RPGRIP1L: variants seen among roughly 807,000 people sequenced by gnomAD.
RPGRIP1L encodes protein fantom.
A neutral mutation model predicts 160.4 loss-of-function variants in RPGRIP1L; 131 were observed. The observed-to-expected ratio is 0.82, with a 90% confidence interval of 0.71 to 0.94. The LOEUF is 0.94. Among genes scored for constraint, RPGRIP1L ranks in the 40% least tolerant of loss-of-function variants. The probability of loss-of-function intolerance (pLI) is 0.00; values close to 1 mark genes in which losing one functional copy is unlikely to be tolerated. For synonymous variants in RPGRIP1L, 510 were observed against 515.8 expected (o/e 0.99, Z 0.15); for missense variants, 1,522 against 1,535.8 (o/e 0.99, Z 0.15).
intron 24 of RPGRIP1L, among the ~76,000 whole-genome samples, chr16:53,615,929 A>G (rs1376484569): frequency 6.6e-6 from 1 of 152,212 alleles, no homozygotes; most frequent in Middle Eastern, 3.4e-3. Context: ...TGTAGGTTAT[A>G]CTGGTTTTAA....
At chr16:53,699,180 GCTTGAAGGCAGCATGCTCGTTAAGAGT>G (rs1971156202) in intron 2 of RPGRIP1L, among the ~76,000 whole-genome samples, 1 of 151,928 alleles carries the variant, frequency 6.6e-6, no homozygotes, top group African/African-American at 2.4e-5. Context: ...TTAAACAGAT[GCTTGAAGGCAGCATGCTCGTTAAGAGT>G]CATCACCACT....
intron 25 of RPGRIP1L, 69 bp downstream of exon 25, chr16:53,610,898 T>A: frequency 7.8e-7 from 1 of 1,275,036 alleles, no homozygotes; most frequent in Non-Finnish European, 1.1e-6. Flanking sequence ...GCCTTTTATT[T>A]TAACCATGTC....
intron 19 of RPGRIP1L, among the ~76,000 whole-genome samples, chr16:53,640,488 C>T (rs762149453): frequency 2.6e-5 from 4 of 152,128 alleles, no homozygotes; most frequent in South Asian, 2.1e-4. Flanking sequence ...TGCAGAGGCA[C>T]GACGATATTT....
chr16:53,668,912 CAT>C lies in RPGRIP1L; in HGVS notation c.1103+2596_1103+2597del, dbSNP rs530789493. Among the ~76,000 whole-genome samples, 26 of 152,256 alleles carry C rather than the reference CAT, an allele frequency of 1.7e-4. 1 individual carries two copies. Among genetic ancestry groups the C allele is most frequent in the Admixed American group, 5.9e-4 (9 of 15,282 alleles). ...GTAACATGAGGGTTTTATCTTCCCACATGATTCTCTAATATGTCATATGTCAA... is the reference window on the plus strand; with the variant it reads ...GTAACATGAGGGTTTTATCTTCCCACGATTCTCTAATATGTCATATGTCAA... On this transcript the variant is annotated intron_variant, in intron 9 of 26. Transcript: ENST00000647211.
chr16:53,622,631 G>A (rs781431434), intron 22 of RPGRIP1L, among the ~76,000 whole-genome samples: 13 of 150,560 alleles, frequency 8.6e-5, no homozygotes, highest in African/African-American at 2.0e-4. Context: ...CCTAAATATC[G>A]CCACAATTGG....
Position 53,686,209 on chromosome 16 carries a change from C to T in RPGRIP1L, c.776+224G>A, listed in dbSNP as rs536903265. Among the ~76,000 whole-genome samples the T allele has an allele frequency of 3.3e-5, 5 of 152,252 alleles. No individual in the cohort carries two copies. In the South Asian group the frequency reaches 1.0e-3, roughly 32 times the overall value. ...ATAGAAAACAAGATGAGGGTGATTTCCACGCATCAGAAGCTGCTTAAAAGC... is the reference window on the plus strand; with the variant it reads ...ATAGAAAACAAGATGAGGGTGATTTTCACGCATCAGAAGCTGCTTAAAAGC... On this transcript the variant is annotated intron_variant, in intron 6 of 26. Transcript: ENST00000647211.
At chr16:53,667,716 T>TA (rs1968388550) in intron 9 of RPGRIP1L, among the ~76,000 whole-genome samples, 1 of 151,972 alleles carries the variant, frequency 6.6e-6, no homozygotes, top group African/African-American at 2.4e-5. Flanking sequence ...CTACTAAAAA[T>TA]ACAAAAATTA....
chr16:53,645,509 G>A (rs896577883), intron 17 of RPGRIP1L, 116 bp downstream of exon 17: 1 of 946,204 alleles, frequency 1.1e-6, no homozygotes, highest in Admixed American at 2.8e-5. Context: ...TAGGCCTAAA[G>A]TTTAAAGACT....
intron 9 of RPGRIP1L, among the ~76,000 whole-genome samples, chr16:53,670,932 C>T (rs185485606): frequency 3.5e-4 from 53 of 152,042 alleles, no homozygotes; most frequent in African/African-American, 1.3e-3. Context: ...TCGTCACTAC[C>T]AAAAAATTAA....
At chr16:53,679,868 C>G (rs1006887955) in intron 6 of RPGRIP1L, among the ~76,000 whole-genome samples, 1 of 152,140 alleles carries the variant, frequency 6.6e-6, no homozygotes, top group Non-Finnish European at 1.5e-5. Flanking sequence ...CCATTTCAAT[C>G]TAATCATTTT....
At chr16:53,685,541 C>A (rs777666024) in intron 6 of RPGRIP1L, among the ~76,000 whole-genome samples, 20 of 152,204 alleles carry the variant, frequency 1.3e-4, no homozygotes, top group Non-Finnish European at 2.2e-4. Flanking sequence ...GGAATGAGAT[C>A]ATGACCTTTG....
chr16:53,679,662 T>C (rs918898791), intron 6 of RPGRIP1L, among the ~76,000 whole-genome samples: 1 of 152,212 alleles, frequency 6.6e-6, no homozygotes, highest in East Asian at 1.9e-4. Context: ...GGTTTTGTGT[T>C]GTTTTCATTT....
intron 10 of RPGRIP1L, among the ~76,000 whole-genome samples, chr16:53,660,497 G>T (rs990823915): frequency 2.0e-5 from 3 of 151,504 alleles, no homozygotes; most frequent in Non-Finnish European, 4.4e-5. Flanking sequence ...ACACAGTTAG[G>T]AATAAATTTG....
intron 10 of RPGRIP1L, among the ~76,000 whole-genome samples, chr16:53,661,355 G>C (rs541976433): frequency 6.6e-6 from 1 of 151,314 alleles, no homozygotes; most frequent in South Asian, 2.1e-4. Flanking sequence ...TGAAGGTATA[G>C]GTTAAATACT....
intron 6 of RPGRIP1L, among the ~76,000 whole-genome samples, chr16:53,675,493 T>A (rs1969083959): frequency 6.6e-6 from 1 of 152,148 alleles, no homozygotes; most frequent in Admixed American, 6.5e-5. Flanking sequence ...AACTTCACAC[T>A]TATTTTAAGG....
intron 6 of RPGRIP1L, among the ~76,000 whole-genome samples, chr16:53,685,405 C>T (rs533959034): frequency 5.3e-5 from 8 of 152,204 alleles, no homozygotes; most frequent in Non-Finnish European, 7.4e-5. Flanking sequence ...CACATGCACA[C>T]GTATGTTCAT....
rs760297229 is a variant in RPGRIP1L at position 53,652,705 on chromosome 16, T to C, written c.1982A>G (p.Tyr661Cys). The C allele has an allele frequency of 1.2e-6, 2 of 1,614,092 alleles. No individual in the cohort carries two copies. The highest frequency in any genetic ancestry group is 2.2e-5 in the South Asian group (2 of 91,072). Residue 661 changes from tyrosine to cysteine, a missense_variant, in exon 15 of 27, where the codon TAT becomes TGT. Tyr to Cys is a radical substitution (Grantham distance 194, BLOSUM62 -2). Coordinates refer to ENST00000647211, the MANE Select transcript of RPGRIP1L (RefSeq NM_015272.5). ...LHPEYNFTSQ[Y>C]LVHVNDLFLQ... is the part of the protein sequence containing the mutation. ...AAATAAGTCATTAACATGAACAAGA[T>C]ATTGAGAAGTGAAGTTATATTCGGG... is the stretch of plus-strand genomic sequence containing the variant.
chr16:53,616,420 C>T (rs1964380500), intron 24 of RPGRIP1L, among the ~76,000 whole-genome samples: 1 of 152,038 alleles, frequency 6.6e-6, no homozygotes, highest in Admixed American at 6.5e-5. Context: ...AGCATTCAAC[C>T]AGGTTAATAT....
intron 22 of RPGRIP1L, chr16:53,628,473 C>T (rs981604658): frequency 3.3e-5 from 5 of 152,144 alleles, no homozygotes; most frequent in African/African-American, 7.2e-5. Flanking sequence ...CCCTTCAGTC[C>T]TTCACATCAG....
Sources: allele counts gnomAD v4.1 joint callset (sites outside exome capture counted in the v4.1 genomes callset), GRCh38; gene constraint gnomAD v4.1.1; transcripts MANE v1.5; gene names NCBI Gene and HGNC (gene_info 2026-07-23, HGNC 2026-07-21).